The following RARB variants were observed in gnomAD, a reference collection of about 807,000 sequenced individuals.
RARB encodes HBV-activated protein.
In RARB, 17 loss-of-function variants were observed where a neutral mutation model predicts 51.9. The ratio of observed to expected loss-of-function variants is 0.33; its 90% CI spans 0.22 to 0.49. The LOEUF (loss-of-function observed/expected upper bound fraction) is 0.49, where lower values mean the gene tolerates loss of function less well. RARB is among the 20% of genes least tolerant of loss of function. The pLI is 0.99. For missense variants in RARB, 369 were observed against 550.8 expected (o/e 0.67, Z 3.30); for synonymous variants, 215 against 195.4 (o/e 1.10, Z -0.84).
rs1057176134 is a variant in RARB, at chr3:25,273,008, A to C, written c.178+98433A>C. Among the ~76,000 whole-genome samples, 11 of 152,208 alleles carry C rather than the reference A, an allele frequency of 7.2e-5. 1 individual carries two copies. The highest frequency in any genetic ancestry group is 2.6e-4 in the Admixed American group (4 of 15,284). On this transcript the variant is annotated intron_variant, in intron 5 of 11. Coordinates refer to the RARB transcript ENST00000383772. ...TGGAGGGAAATCTTTTTTTCTGTTCACATCCTAACTCATTCATTTGCATTT... is the reference window on the plus strand; with the variant it reads ...TGGAGGGAAATCTTTTTTTCTGTTCCCATCCTAACTCATTCATTTGCATTT...
chr3:25,153,363 C>A (rs1700323129), intron 4 of RARB, among the ~76,000 whole-genome samples: 1 of 152,106 alleles, frequency 6.6e-6, no homozygotes, highest in African/African-American at 2.4e-5. Flanking sequence ...AGCTGTCTGC[C>A]AAAATGTGGC....
rs139550717 is a variant in RARB at position 24,999,797 on chromosome 3, T to C, written c.-379-60328T>C. On this transcript the variant is annotated intron_variant, in intron 2 of 11. Transcript: ENST00000383772. ...TGGTATCCCACTCCCTCACTCTATA[T>C]CTTGCCTCTGTGGTATAAGTTTTAA... is the stretch of plus-strand genomic sequence containing the variant. Among the ~76,000 whole-genome samples, 409 of 152,290 alleles carry C rather than the reference T, an allele frequency of 2.7e-3. 1 individual carries two copies. The highest frequency in any genetic ancestry group is 9.6e-3 in the African/African-American group (398 of 41,570).
chr3:25,448,799 C>T (rs1177368032), intron 1 of RARB, among the ~76,000 whole-genome samples: 1 of 152,072 alleles, frequency 6.6e-6, no homozygotes, highest in Non-Finnish European at 1.5e-5. Context: ...TCAAGTGCAT[C>T]CTTTGAACTG....
intron 5 of RARB, among the ~76,000 whole-genome samples, chr3:25,278,328 A>G (rs992487328): frequency 8.5e-5 from 13 of 152,188 alleles, no homozygotes; most frequent in African/African-American, 3.1e-4. Context: ...AATATGATGC[A>G]AATATGAGAG....
intron 3 of RARB, among the ~76,000 whole-genome samples, chr3:25,564,424 C>T (rs1381587014): frequency 6.6e-6 from 1 of 152,174 alleles, no homozygotes; most frequent in African/African-American, 2.4e-5. Context: ...TCTGTGACCC[C>T]CTGAATGCCC....
chr3:25,506,975 C>T (rs964681190), intron 3 of RARB, among the ~76,000 whole-genome samples: 5 of 152,258 alleles, frequency 3.3e-5, no homozygotes, highest in Admixed American at 2.0e-4. Context: ...ACCCCAGGAG[C>T]CTGATGAAAT....
chr3:25,569,356 CG>C (rs1700622503), intron 3 of RARB, among the ~76,000 whole-genome samples: 1 of 152,156 alleles, frequency 6.6e-6, no homozygotes, highest in African/African-American at 2.4e-5. Context: ...TATGAAGTAA[CG>C]GGGCTTTGTT....
At chr3:25,377,020 T>A (rs1575354427) in intron 5 of RARB, among the ~76,000 whole-genome samples, 1 of 152,094 alleles carries the variant, frequency 6.6e-6, no homozygotes, top group African/African-American at 2.4e-5. Context: ...TAGTTTAGTT[T>A]GTTTGTTTGT....
At chr3:25,210,315 T>A (rs1483566959) in intron 5 of RARB, among the ~76,000 whole-genome samples, 1 of 151,870 alleles carries the variant, frequency 6.6e-6, no homozygotes, top group Non-Finnish European at 1.5e-5. Context: ...TAAATAAAAT[T>A]TATAGGTTAG....
At chr3:25,034,941 A>G (rs1697953108) in intron 2 of RARB, among the ~76,000 whole-genome samples, 1 of 152,262 alleles carries the variant, frequency 6.6e-6, no homozygotes, top group South Asian at 2.1e-4. Flanking sequence ...TCTGATTGCC[A>G]CTGTCTCCAC....
intron 5 of RARB, among the ~76,000 whole-genome samples, chr3:25,389,220 G>A (rs915456469): frequency 6.6e-6 from 1 of 152,124 alleles, no homozygotes; most frequent in African/African-American, 2.4e-5. Flanking sequence ...TGACACATCA[G>A]GTCACCCACA....
chr3:25,593,957 C>T (rs1701715225), intron 6 of RARB, among the ~76,000 whole-genome samples: 1 of 151,936 alleles, frequency 6.6e-6, no homozygotes, highest in East Asian at 1.9e-4. Flanking sequence ...GATTTTTTTT[C>T]TTAAAGGCAG....
chr3:24,939,515 T>C (rs1695615439), intron 2 of RARB, among the ~76,000 whole-genome samples: 1 of 152,212 alleles, frequency 6.6e-6, no homozygotes, highest in East Asian at 1.9e-4. Flanking sequence ...TATTTTGCCA[T>C]AGAAAATATT....
intron 1 of RARB, among the ~76,000 whole-genome samples, chr3:25,436,302 C>T (rs1244422358): frequency 6.6e-6 from 1 of 152,092 alleles, no homozygotes; most frequent in Admixed American, 6.5e-5. Flanking sequence ...TTTTGGTGTA[C>T]AGAACACTAA....
intron 5 of RARB, among the ~76,000 whole-genome samples, chr3:25,270,352 A>G (rs1703229468): frequency 6.6e-6 from 1 of 152,176 alleles, no homozygotes; most frequent in African/African-American, 2.4e-5. Flanking sequence ...AACCTTAAGG[A>G]CATTAAGTGA....
intron 4 of RARB, among the ~76,000 whole-genome samples, chr3:25,579,260 T>TA (rs1701070759): frequency 6.6e-6 from 1 of 152,236 alleles, no homozygotes; most frequent in Non-Finnish European, 1.5e-5. Flanking sequence ...TTTTTAAAGG[T>TA]ATAGTTTGAT....
upstream of RARB, chr3:25,428,207 T>G (rs1405681970): frequency 1.1e-5 from 13 of 1,223,368 alleles, no homozygotes; most frequent in East Asian, 3.8e-4. Context: ...GCAGCCCGGG[T>G]AGGGTTCACC....
At chr3:25,230,614 T>C (rs1702154821) in intron 5 of RARB, among the ~76,000 whole-genome samples, 1 of 152,054 alleles carries the variant, frequency 6.6e-6, no homozygotes, top group African/African-American at 2.4e-5. Flanking sequence ...CAGGCATTCT[T>C]ATAGGCATTA....
intron 5 of RARB, among the ~76,000 whole-genome samples, chr3:25,321,397 T>G (rs1704564401): frequency 6.6e-6 from 1 of 152,084 alleles, no homozygotes; most frequent in Non-Finnish European, 1.5e-5. Context: ...GAGGAAAATT[T>G]AACAGAGATA....
Sources: allele counts gnomAD v4.1 joint callset (sites outside exome capture counted in the v4.1 genomes callset), GRCh38; gene constraint gnomAD v4.1.1; transcripts MANE v1.5; gene names NCBI Gene and HGNC (gene_info 2026-07-23, HGNC 2026-07-21).